BABAM2: variants seen among roughly 807,000 people sequenced by gnomAD.
BABAM2 encodes BRISC and BRCA1 A complex member 2.
A neutral mutation model predicts 54.7 loss-of-function variants in BABAM2; 31 were observed. That is an observed-to-expected ratio of 0.57 (90% CI 0.43 to 0.77). The LOEUF is 0.77. BABAM2 is among the 30% of genes least tolerant of loss of function. The pLI, the probability that BABAM2 is intolerant of heterozygous loss-of-function variation, is 0.00. For missense variants in BABAM2, 364 were observed against 455.8 expected (o/e 0.80, Z 1.83); for synonymous variants, 167 against 162.9 (o/e 1.03, Z -0.19).
chr2:28,282,082 A>G (rs1169794925), intron 10 of BABAM2, among the ~76,000 whole-genome samples: 3 of 152,194 alleles, frequency 2.0e-5, no homozygotes, highest in Admixed American at 6.5e-5. Flanking sequence ...AGAGGCAGTA[A>G]AAAATTTAAA....
chr2:28,230,648 TG>T (rs1205263558), intron 7 of BABAM2, among the ~76,000 whole-genome samples: 2 of 147,750 alleles, frequency 1.4e-5, no homozygotes, highest in East Asian at 3.9e-4. Context: ...CACCTGAGCC[TG>T]GGAAGTTGAG....
At chr2:28,038,060 C>T (rs2148594336) in intron 5 of BABAM2, among the ~76,000 whole-genome samples, 2 of 152,302 alleles carry the variant, frequency 1.3e-5, no homozygotes, top group East Asian at 3.9e-4. Context: ...AGAAGCTCAA[C>T]AAACCCCATC....
intron 6 of BABAM2, among the ~76,000 whole-genome samples, chr2:28,070,696 C>A (rs1408465741): frequency 6.6e-6 from 1 of 152,078 alleles, no homozygotes; most frequent in Non-Finnish European, 1.5e-5. Flanking sequence ...CTTTTCTTAT[C>A]AATCTTAACT....
At chr2:27,924,729 T>C (rs1357371370) in intron 2 of BABAM2, among the ~76,000 whole-genome samples, 1 of 152,178 alleles carries the variant, frequency 6.6e-6, no homozygotes, top group East Asian at 1.9e-4. Flanking sequence ...ACCCTCCTCT[T>C]GTGCAACTTG....
Position 28,338,797 on chromosome 2 carries a change from G to T in BABAM2, c.*284G>T. 1 of 373,312 alleles carries T rather than the reference G, an allele frequency of 2.7e-6. No homozygotes were observed. Among genetic ancestry groups the T allele is most frequent in the Non-Finnish European group, 5.0e-6 (1 of 200,304 alleles). The allele number at this position is 373,312 out of a possible 1,614,324, so 23.1% of individuals were successfully genotyped here. ...AAATTATGGTGCAGTAATTTTCCGG[G>T]GAAAGTAAAGCCTCAGGAATGCCCA... On this transcript the variant is annotated 3_prime_UTR_variant, in exon 12 of 12. Transcript: ENST00000379624.
intron 4 of BABAM2, among the ~76,000 whole-genome samples, chr2:28,013,863 CA>C (rs1490866750): frequency 3.3e-5 from 5 of 151,886 alleles, no homozygotes; most frequent in Admixed American, 3.3e-4. Flanking sequence ...TGGCTGCTCC[CA>C]AAAACTCCCC....
rs530724488 is a variant in BABAM2 at position 27,958,506 on chromosome 2, A to G, written c.205+28598A>G. ...AAATGTTTATAAATGTATATATATA[A>G]CATATATACATATACATATATGCAT... On this transcript the variant is annotated intron_variant, in intron 3 of 11. Transcript: ENST00000379624. 6.0e-5 allele frequency among the ~76,000 whole-genome samples: 9 copies of G among 149,378 alleles called. No individual in the cohort carries two copies. The East Asian group carries it at 1.6e-3, about 26-fold the overall frequency.
chr2:28,329,632 AAAG>A lies in BABAM2; in HGVS notation c.1089-8814_1089-8812del, dbSNP rs1326009815. On this transcript the variant is annotated intron_variant, in intron 11 of 11. Transcript: ENST00000379624. This position sits in a 1 kb window ranked among gnomAD's most constrained non-coding sequence, Gnocchi z 4.2. ...ATACACCCTCCCAAGACTGAACCAG[AAAG>A]AAGTTGAATCCCTGAATAGACCAAT... Among the ~76,000 whole-genome samples, 2 of 152,220 alleles carry A rather than the reference AAAG, an allele frequency of 1.3e-5. No homozygotes were observed. Among genetic ancestry groups the A allele is most frequent in the South Asian group, 4.1e-4 (2 of 4,838 alleles).
At chr2:27,987,423 T>C (rs920971014) in intron 3 of BABAM2, among the ~76,000 whole-genome samples, 1 of 152,212 alleles carries the variant, frequency 6.6e-6, no homozygotes, top group African/African-American at 2.4e-5. Context: ...GTACATATTT[T>C]GGATGTGGCT....
intron 4 of BABAM2, among the ~76,000 whole-genome samples, chr2:28,015,458 A>G (rs1288067176): frequency 6.6e-6 from 1 of 152,140 alleles, no homozygotes; most frequent in African/African-American, 2.4e-5. Flanking sequence ...AGACACTTCT[A>G]GTCAAAAGTA....
At chr2:27,918,015 A>G (rs1290481667) in intron 2 of BABAM2, among the ~76,000 whole-genome samples, 1 of 152,228 alleles carries the variant, frequency 6.6e-6, no homozygotes, top group Non-Finnish European at 1.5e-5. Flanking sequence ...TTGTACCAAC[A>G]TGAGTATTTT....
chr2:28,139,346 GAA>G (rs1229492465), intron 7 of BABAM2, among the ~76,000 whole-genome samples: 3 of 103,620 alleles, frequency 2.9e-5, no homozygotes, highest in African/African-American at 1.2e-4. Context: ...AAAAAAAAAA[GAA>G]AAAGAAAAAA....
chr2:27,938,211 A>G (rs1416031926), intron 3 of BABAM2, among the ~76,000 whole-genome samples: 1 of 152,190 alleles, frequency 6.6e-6, no homozygotes, highest in Non-Finnish European at 1.5e-5. Flanking sequence ...AATTACCACA[A>G]TATTTGTGAT....
rs527408919 is a variant in BABAM2, at chr2:28,212,936, T to C, written c.681-24266T>C. Among the ~76,000 whole-genome samples, 5 of 152,294 alleles carry C rather than the reference T, an allele frequency of 3.3e-5. No homozygotes were observed. The South Asian group carries it at 8.3e-4, about 25-fold the overall frequency. ...GTGCTAGGCAATTATTAATCTTTTA[T>C]GGCTGGGTACAGTGGCTCACACCTG... On this transcript the variant is annotated intron_variant, in intron 7 of 11. Transcript: ENST00000379624.
rs568549728 is a variant in BABAM2 at position 28,176,136 on chromosome 2, A to G, written c.680+46756A>G. 3.9e-5 allele frequency among the ~76,000 whole-genome samples: 6 copies of G among 152,370 alleles called. No individual in the cohort carries two copies. In the East Asian group the frequency reaches 5.8e-4, roughly 15 times the overall value. ...AGTGACTTTTGCACCAAATGTGCAG[A>G]TATCAACGTAAAGACACATGAAATG... is the stretch of plus-strand genomic sequence containing the variant. On this transcript the variant is annotated intron_variant, in intron 7 of 11. Transcript: ENST00000379624.
At chr2:28,147,185 A>G (rs1378224663) in intron 7 of BABAM2, among the ~76,000 whole-genome samples, 1 of 152,214 alleles carries the variant, frequency 6.6e-6, no homozygotes, top group African/African-American at 2.4e-5. Flanking sequence ...AGTAGGTGCC[A>G]TGACAGGTTT....
chr2:28,264,463 T>G (rs1306000540), intron 10 of BABAM2, among the ~76,000 whole-genome samples: 6 of 152,240 alleles, frequency 3.9e-5, no homozygotes, highest in Non-Finnish European at 7.3e-5. Context: ...TAAAAAGAAT[T>G]TGCAAAGTTT....
At chr2:28,193,128 C>A (rs1677121994) in intron 7 of BABAM2, among the ~76,000 whole-genome samples, 1 of 152,058 alleles carries the variant, frequency 6.6e-6, no homozygotes, top group South Asian at 2.1e-4. Context: ...CGAGATCATG[C>A]CATTGCACTC....
chr2:28,233,118 C>A (rs1053648028), intron 7 of BABAM2: 1 of 451,136 alleles, frequency 2.2e-6, no homozygotes, highest in Non-Finnish European at 4.6e-6. Context: ...ATCAGAACAG[C>A]CCTATCACCC....
Sources: gnomAD v4.1 joint callset for allele counts (sites outside exome capture counted in the v4.1 genomes callset) on GRCh38, gnomAD v4.1.1 for gene constraint, Gnocchi (gnomAD v3.1) non-coding constraint, MANE v1.5 for transcripts, NCBI Gene and HGNC (gene_info 2026-07-23, HGNC 2026-07-21) for gene names.